Variants in KCNT2 observed in about 807,000 individuals in gnomAD.
KCNT2 encodes the protein potassium sodium-activated channel subfamily T member 2.
Under a neutral mutation model 153.8 loss-of-function variants are expected in KCNT2, and 67 were observed. That is an observed-to-expected ratio of 0.44 (90% CI 0.36 to 0.53). The LOEUF is 0.53. KCNT2 is among the 20% of genes least tolerant of loss of function. The probability of loss-of-function intolerance (pLI) is 0.00; values close to 1 mark genes in which losing one functional copy is unlikely to be tolerated. For synonymous variants in KCNT2, 500 were observed against 458.8 expected, an observed-to-expected ratio of 1.09 and a Z score of -1.15; for missense variants, 975 against 1,354.8, an observed-to-expected ratio of 0.72 and a Z score of 4.40.
At chr1:196,231,378 G>A (rs1653939175) in intron 27 of KCNT2, among the ~76,000 whole-genome samples, 1 of 151,760 alleles carries the variant, frequency 6.6e-6, no homozygotes, top group Admixed American at 6.6e-5. Context: ...GTATGCCTGA[G>A]TATCTTTAGT....
chr1:196,334,483 C>CTTTTTTTTTTTTTTTTTTT (rs757677685), intron 16 of KCNT2, among the ~76,000 whole-genome samples: 4 of 42,330 alleles, frequency 9.4e-5, no homozygotes, highest in Non-Finnish European at 1.6e-4. Context: ...TTCTTTCTTT[C>CTTTTTTTTTTTTTTTTTTT]TTTCTTTTTT....
intron 8 of KCNT2, among the ~76,000 whole-genome samples, chr1:196,443,480 C>G (rs182264476): frequency 6.6e-6 from 1 of 151,556 alleles, no homozygotes; most frequent in East Asian, 2.0e-4. Flanking sequence ...AGTTATTAAT[C>G]CCTATTTTGT....
chr1:196,313,709 T>G (rs1662418377), intron 21 of KCNT2, among the ~76,000 whole-genome samples: 1 of 151,596 alleles, frequency 6.6e-6, no homozygotes, highest in Non-Finnish European at 1.5e-5. Context: ...TCCTAAAAAA[T>G]ACTGTTATAT....
intron 8 of KCNT2, among the ~76,000 whole-genome samples, chr1:196,435,496 A>G (rs1256651438): frequency 4.6e-5 from 7 of 151,606 alleles, no homozygotes; most frequent in African/African-American, 1.2e-4. Flanking sequence ...TGTCTTTTAT[A>G]AAACAGATTG....
chr1:196,430,441 T>G (rs911185100), intron 8 of KCNT2, among the ~76,000 whole-genome samples: 7 of 151,842 alleles, frequency 4.6e-5, no homozygotes, highest in South Asian at 4.2e-4. Context: ...TTTCTCTCTC[T>G]CTGTCTCATG....
At chr1:196,282,508 C>G (rs1659208669) in intron 23 of KCNT2, 152 bp from the exon 24 acceptor site, 1 of 510,210 alleles carries the variant, frequency 2.0e-6, no homozygotes, top group Non-Finnish European at 3.5e-6. Context: ...TAAATTTAAT[C>G]TATCTTGTTA....
intron 1 of KCNT2, among the ~76,000 whole-genome samples, chr1:196,558,037 A>G (rs1369995930): frequency 6.6e-6 from 1 of 151,436 alleles, no homozygotes; most frequent in Non-Finnish European, 1.5e-5. Flanking sequence ...TGTCATCAAA[A>G]TGTTACAAAT....
At chr1:196,590,594 C>T (rs924667908) in intron 1 of KCNT2, among the ~76,000 whole-genome samples, 2 of 152,104 alleles carry the variant, frequency 1.3e-5, no homozygotes, top group Admixed American at 6.6e-5. Flanking sequence ...ACATGCTCCT[C>T]CAGGTGAAAA....
chr1:196,240,709 T>C (rs1259756502), intron 26 of KCNT2, among the ~76,000 whole-genome samples: 1 of 151,940 alleles, frequency 6.6e-6, no homozygotes, highest in Non-Finnish European at 1.5e-5. Flanking sequence ...TGAGATGATG[T>C]TGAACAGGCA....
intron 19 of KCNT2, among the ~76,000 whole-genome samples, chr1:196,322,808 T>G (rs1663456811): frequency 6.6e-6 from 1 of 151,958 alleles, no homozygotes. Context: ...AATTCCACTT[T>G]TAAGTACTTT....
At chr1:196,304,399 G>A (rs1661443593) in intron 22 of KCNT2, among the ~76,000 whole-genome samples, 1 of 152,112 alleles carries the variant, frequency 6.6e-6, no homozygotes, top group Admixed American at 6.6e-5. Flanking sequence ...TGCCACCCAG[G>A]CTGGAGTGCA....
intron 13 of KCNT2, among the ~76,000 whole-genome samples, chr1:196,384,698 C>T (rs987322935): frequency 1.2e-5 from 1 of 86,950 alleles, no homozygotes; most frequent in Non-Finnish European, 2.3e-5. Flanking sequence ...CAGAGTGAGA[C>T]CCCATCTCCA....
chr1:196,444,659 G>A (rs1306874308), intron 8 of KCNT2, among the ~76,000 whole-genome samples: 1 of 151,304 alleles, frequency 6.6e-6, no homozygotes, highest in Non-Finnish European at 1.5e-5. Context: ...AATAGATGAG[G>A]CCAGTGAAGA....
intron 13 of KCNT2, among the ~76,000 whole-genome samples, chr1:196,384,543 A>G (rs1165707025): frequency 1.3e-5 from 2 of 151,968 alleles, no homozygotes; most frequent in African/African-American, 2.4e-5. Flanking sequence ...ACTAAAAATA[A>G]AAAATTAGCT....
At chr1:196,568,624 C>T (rs962608412) in intron 1 of KCNT2, among the ~76,000 whole-genome samples, 2 of 150,984 alleles carry the variant, frequency 1.3e-5, no homozygotes, top group East Asian at 3.9e-4. Flanking sequence ...AAGAAAAACA[C>T]GCCACCACAG....
At chr1:196,333,379 G>A (rs1294927393) in intron 17 of KCNT2, among the ~76,000 whole-genome samples, 1 of 152,084 alleles carries the variant, frequency 6.6e-6, no homozygotes, top group Non-Finnish European at 1.5e-5. Flanking sequence ...AATAATTAAT[G>A]AATAGTGTAT....
Position 196,479,197 on chromosome 1 carries a change from A to G in KCNT2, c.366T>C (p.Leu122=). ...AACTTACCTTATAACTAAGATAACC[A>G]AGTAATATTGTTTCAAACAGACTTA... The part of the protein sequence containing the change: ...ALISLFETIL[L]GYLSYKGNIW... Residue 122 remains leucine (L), a synonymous_variant, in exon 5 of 28, where the codon CTT becomes CTC. Coordinates refer to ENST00000294725, the MANE Select transcript of KCNT2 (RefSeq NM_198503.5). 6.4e-7 allele frequency: 1 copy of G among 1,572,288 alleles called. No individual in the cohort carries two copies. The highest frequency in any genetic ancestry group is 8.7e-7 in the Non-Finnish European group (1 of 1,146,884).
intron 22 of KCNT2, among the ~76,000 whole-genome samples, chr1:196,300,776 T>C (rs1221613082): frequency 6.6e-6 from 1 of 152,158 alleles, no homozygotes; most frequent in Non-Finnish European, 1.5e-5. Flanking sequence ...TTTCTCTTGT[T>C]AATCTGTCTT....
At chr1:196,242,570 A>T (rs1655054295) in intron 26 of KCNT2, among the ~76,000 whole-genome samples, 2 of 152,144 alleles carry the variant, frequency 1.3e-5, no homozygotes, top group African/African-American at 4.8e-5. Context: ...GACTTACAGA[A>T]CATTTTTATG....
Sources: gnomAD v4.1 joint callset for allele counts (sites outside exome capture counted in the v4.1 genomes callset) on GRCh38, gnomAD v4.1.1 for gene constraint, MANE v1.5 for transcripts, NCBI Gene and HGNC (gene_info 2026-07-23, HGNC 2026-07-21) for gene names.